Variants in PAG1 observed in about 807,000 individuals in gnomAD.
PAG1 encodes the protein phosphoprotein associated with glycosphingolipid-enriched microdomains 1.
A neutral mutation model predicts 31.7 loss-of-function variants in PAG1; 23 were observed. The observed-to-expected ratio is 0.73, with a 90% confidence interval of 0.52 to 1.03. PAG1 has a LOEUF of 1.03. Ranked by LOEUF, PAG1 falls within the 50% of genes least tolerant of loss-of-function variation. The pLI, the probability that PAG1 is intolerant of heterozygous loss-of-function variation, is 0.00. For missense variants in PAG1, 473 were observed against 540.7 expected (o/e 0.87, Z 1.24); for synonymous variants, 214 against 210.3 (o/e 1.02, Z -0.15).
intron 2 of PAG1, among the ~76,000 whole-genome samples, chr8:81,041,046 C>T (rs1000125042): frequency 5.3e-5 from 8 of 152,222 alleles, no homozygotes; most frequent in African/African-American, 1.4e-4. Context: ...AAGCAGCAGA[C>T]AGCAGTTTCC....
At chr8:81,102,918 A>G (rs781511552) in intron 1 of PAG1, among the ~76,000 whole-genome samples, 2 of 152,236 alleles carry the variant, frequency 1.3e-5, no homozygotes, top group South Asian at 4.1e-4. Flanking sequence ...CCAATAGTTT[A>G]AAATTAATTA....
chr8:81,083,247 CAG>C (rs1809297855), intron 1 of PAG1, among the ~76,000 whole-genome samples: 1 of 152,104 alleles, frequency 6.6e-6, no homozygotes, highest in Non-Finnish European at 1.5e-5. Context: ...CTGGGAGAAA[CAG>C]TGTTTCTGGT....
rs1322361226 is a variant in PAG1 at position 80,967,952 on chromosome 8, A to G, written c.*8592T>C. ...TAAGTTTTATTACATGTAAACTATA[A>G]GATATTACAAGTTAAACTCCAGTCT... On this transcript the variant is annotated 3_prime_UTR_variant, in exon 9 of 9. Transcript: ENST00000220597. 1.3e-5 allele frequency: 2 copies of G among 152,242 alleles called. No individual in the cohort carries two copies. The highest frequency in any genetic ancestry group is 4.8e-5 in the African/African-American group (2 of 41,458). The allele number at this position is 152,242 out of a possible 1,614,324, so 9.4% of individuals were successfully genotyped here.
intron 3 of PAG1, among the ~76,000 whole-genome samples, chr8:81,007,323 TA>T: frequency 6.6e-6 from 1 of 151,844 alleles, no homozygotes; most frequent in Admixed American, 6.6e-5. Flanking sequence ...ATTAAGAACT[TA>T]AAAAATAGGC....
Position 81,030,093 on chromosome 8 carries a change from T to C in PAG1, c.-174-4A>G, listed in dbSNP as rs1197475558. 6.6e-6 allele frequency: 1 copy of C among 152,222 alleles called. No individual in the cohort carries two copies. Among genetic ancestry groups the C allele is most frequent in the Non-Finnish European group, 1.5e-5 (1 of 68,040 alleles). The allele number at this position is 152,222 out of a possible 1,614,324, so 9.4% of individuals were successfully genotyped here. Reference sequence around the variant, plus strand: ...GAGTTCTCTCTTCTTTCTTGGCCTATAGCCAAAGAGAAGGAAAGTTAGAAA... The same window carrying C: ...GAGTTCTCTCTTCTTTCTTGGCCTACAGCCAAAGAGAAGGAAAGTTAGAAA... On this transcript the variant is annotated splice_polypyrimidine_tract_variant and splice_region_variant and intron_variant, in intron 2 of 8. Transcript: ENST00000220597.
chr8:81,087,002 C>T (rs1193276464), intron 1 of PAG1, among the ~76,000 whole-genome samples: 1 of 152,122 alleles, frequency 6.6e-6, no homozygotes, highest in Non-Finnish European at 1.5e-5. Context: ...AGTTTGCTGA[C>T]CCCTACTCCA....
At chr8:81,011,709 C>T (rs1807987817) in intron 3 of PAG1, among the ~76,000 whole-genome samples, 1 of 152,184 alleles carries the variant, frequency 6.6e-6, no homozygotes, top group Admixed American at 6.5e-5. Context: ...TGAATGTGTA[C>T]AGTTGCAATT....
At chr8:81,072,831 C>T (rs1809116629) in intron 1 of PAG1, among the ~76,000 whole-genome samples, 2 of 152,236 alleles carry the variant, frequency 1.3e-5, no homozygotes, top group African/African-American at 4.8e-5. Context: ...GTAAAAAGCA[C>T]CTGTTGTATT....
rs375224205 is a variant in PAG1 at position 80,976,853 on chromosome 8, C to T, written c.990G>A (p.Ser330=). 8.1e-6 allele frequency: 13 copies of T among 1,613,546 alleles called. No homozygotes were observed. Among genetic ancestry groups the T allele is most frequent in the Middle Eastern group, 1.7e-4 (1 of 6,060 alleles). The change falls in exon 9 of 9, where the codon TCG becomes TCA. Residue 330 remains serine, a synonymous_variant. Coordinates refer to ENST00000220597, the MANE Select transcript of PAG1 (RefSeq NM_018440.4). ...ACTCCGGAACTGTAAGCGACTGCCC[C>T]GATTTATTCACTAACTGTCCAGGTT... ...VNKPGQLVNK[S]GQSLTVPEST...
intron 2 of PAG1, among the ~76,000 whole-genome samples, chr8:81,035,306 C>T (rs1232727749): frequency 6.6e-6 from 1 of 152,164 alleles, no homozygotes; most frequent in Non-Finnish European, 1.5e-5. Flanking sequence ...GACACAGAAA[C>T]AGCTGAAACT....
At chr8:81,052,979 T>C (rs1022154159) in intron 2 of PAG1, among the ~76,000 whole-genome samples, 1 of 152,238 alleles carries the variant, frequency 6.6e-6, no homozygotes, top group African/African-American at 2.4e-5. Context: ...ACTAATCCTT[T>C]CGTATTTCAA....
intron 2 of PAG1, among the ~76,000 whole-genome samples, chr8:81,068,960 G>A (rs1302558568): frequency 6.6e-6 from 1 of 152,204 alleles, no homozygotes; most frequent in African/African-American, 2.4e-5. Context: ...AGTGGAAATG[G>A]AAATGCATTA....
intron 3 of PAG1, among the ~76,000 whole-genome samples, chr8:81,005,299 T>C (rs1362271965): frequency 6.6e-6 from 1 of 152,164 alleles, no homozygotes; most frequent in East Asian, 1.9e-4. Flanking sequence ...GGCATATATA[T>C]GTATGTATGT....
intron 8 of PAG1, among the ~76,000 whole-genome samples, chr8:80,977,811 A>G (rs1807215523): frequency 6.6e-6 from 1 of 152,208 alleles, no homozygotes; most frequent in South Asian, 2.1e-4. Flanking sequence ...GATTAAATAT[A>G]CTAATTAGGA....
rs1388345917 is a variant in PAG1, at chr8:80,984,947, T to C, written c.705A>G (p.Lys235=). The C allele has an allele frequency of 2.5e-6, 4 of 1,614,162 alleles. No individual in the cohort carries two copies. The highest frequency in any genetic ancestry group is 4.5e-5 in the East Asian group (2 of 44,886). The change falls in exon 7 of 9, where the codon AAA becomes AAG. Residue 235 remains lysine (K), a synonymous_variant. Transcript: ENST00000220597. The stretch of plus-strand genomic sequence containing the variant: ...TCTCTACATTAACACTTTGACGACA[T>C]TTTTTGTTTCTGTCCACCGAGGCAT... ...AEYASVDRNK[K]CRQSVNVESI...
At chr8:81,025,165 T>TA (rs533300904) in intron 3 of PAG1, among the ~76,000 whole-genome samples, 24 of 152,140 alleles carry the variant, frequency 1.6e-4, no homozygotes, top group African/African-American at 4.6e-4. Context: ...TTTTTTTTTT[T>TA]ACCTCTCCTT....
chr8:81,079,066 T>C (rs16908529), intron 1 of PAG1, among the ~76,000 whole-genome samples: 13,214 of 152,160 alleles, frequency 0.087, 1,544 homozygotes, highest in African/African-American at 0.27. Context: ...ACTCAACCTT[T>C]GCAGGCCTCC....
chr8:81,083,493 T>C (rs1809301937), intron 1 of PAG1, among the ~76,000 whole-genome samples: 3 of 152,078 alleles, frequency 2.0e-5, no homozygotes, highest in Non-Finnish European at 4.4e-5. Flanking sequence ...ACCCCAGCTC[T>C]CAATTTAGAG....
intron 2 of PAG1, among the ~76,000 whole-genome samples, chr8:81,032,769 TAG>T (rs1469000637): frequency 6.6e-6 from 1 of 152,180 alleles, no homozygotes; most frequent in Non-Finnish European, 1.5e-5. Context: ...AACTTGCACA[TAG>T]ATATTCACAG....
Sources: gnomAD v4.1 joint callset for allele counts (sites outside exome capture counted in the v4.1 genomes callset) on GRCh38, gnomAD v4.1.1 for gene constraint, MANE v1.5 for transcripts, NCBI Gene and HGNC (gene_info 2026-07-23, HGNC 2026-07-21) for gene names.